Variants in KIF4A observed in about 807,000 individuals in gnomAD.
KIF4A encodes the protein kinesin family member 4A.
In KIF4A, 7 loss-of-function variants were observed where a neutral mutation model predicts 105.9. The ratio of observed to expected loss-of-function variants is 0.07; its 90% confidence interval spans 0.04 to 0.12. The LOEUF (loss-of-function observed/expected upper bound fraction) is 0.12. Among genes scored for constraint, KIF4A ranks in the 10% least tolerant of loss-of-function variants. KIF4A has a pLI of 1.00. For missense variants in KIF4A, 558 were observed against 929.2 expected (o/e 0.60, Z 5.19); for synonymous variants, 281 against 331.3 (o/e 0.85, Z 1.65).
At chrX:70,304,307 C>T (rs988006300) in intron 7 of KIF4A, among the ~76,000 whole-genome samples, 1 of 102,641 alleles carries the variant, frequency 9.7e-6, no homozygotes, top group Non-Finnish European at 2.0e-5. Flanking sequence ...CCATGGTGTA[C>T]ATGTGCCACA....
chrX:70,402,812 C>A, intron 23 of KIF4A, 117 bp downstream of exon 23: 1 of 886,209 alleles, frequency 1.1e-6, no homozygotes, highest in Non-Finnish European at 1.6e-6. Flanking sequence ...ACCCTAATAA[C>A]ACTAACATTA....
At position 70,373,516 on chromosome X, in the gene KIF4A, GTGTGTATGTA is replaced by G. The variant is rs1281138456; in HGVS notation, c.1675-633_1675-624del. Among the ~76,000 whole-genome samples the G allele has an allele frequency of 7.5e-4, 8 of 10,698 alleles. 2 individuals are homozygous for G. Among genetic ancestry groups the G allele is most frequent in the Non-Finnish European group, 1.6e-3 (6 of 3,729 alleles). 9.3% of individuals were successfully genotyped at this position (10,698 alleles called of 115,157 possible). A position where few individuals can be genotyped will look rare whatever the true frequency, so the allele number is the denominator to read the frequency against. ...CTGGGCAACATATATATATACATGTGTGTGTATGTATATATATATATATATATATATATAT... is the reference window on the plus strand; with the variant it reads ...CTGGGCAACATATATATATACATGTGTATATATATATATATATATATATAT... On this transcript the variant is annotated intron_variant, in intron 15 of 30. Transcript: ENST00000374403.
At chrX:70,350,575 G>T (rs1373921073) in intron 13 of KIF4A, among the ~76,000 whole-genome samples, 1 of 110,043 alleles carries the variant, frequency 9.1e-6, no homozygotes, top group Non-Finnish European at 1.9e-5. Flanking sequence ...GTCCCAGCTA[G>T]TCAGGAGGCT....
At chrX:70,308,538 A>AT in intron 7 of KIF4A, among the ~76,000 whole-genome samples, 1 of 112,524 alleles carries the variant, frequency 8.9e-6, no homozygotes, top group African/African-American at 3.2e-5. Flanking sequence ...GTTTTTAAAG[A>AT]TAAATGTCAT....
chrX:70,413,009 G>A (rs1003961059), intron 28 of KIF4A, among the ~76,000 whole-genome samples: 7 of 111,759 alleles, frequency 6.3e-5, no homozygotes, highest in Non-Finnish European at 5.6e-5. Context: ...TTGAAAATAC[G>A]TATCAGTAGC....
At chrX:70,322,590 C>T (rs2085895263) in intron 7 of KIF4A, among the ~76,000 whole-genome samples, 2 of 109,705 alleles carry the variant, frequency 1.8e-5, no homozygotes, top group South Asian at 8.2e-4. Flanking sequence ...GGATTACAGG[C>T]GTGAGCCACC....
Position 70,343,741 on chromosome X carries a change from A to C in KIF4A, c.1305A>C (p.Glu435Asp), listed in dbSNP as rs1364063524. 1 of 1,211,782 alleles carries C rather than the reference A, an allele frequency of 8.3e-7. No individual in the cohort carries two copies. The highest frequency in any genetic ancestry group is 1.8e-5 in the South Asian group (1 of 56,971). The part of the protein sequence containing the change: ...QANEKMNAKL[E>D]ELRQHAACKL... ...ATGAAAAAATGAACGCCAAGCTAGA[A>C]GAGCTCAGGCAGCATGCGGCGTAAG... The change falls in exon 12 of 31, where the codon GAA (glutamate) becomes GAC (aspartate). Residue 435 changes from glutamate (E) to aspartate (D), a missense_variant. Physicochemically the swap from Glu to Asp is conservative, Grantham distance 45. Around this residue, in one of 2 missense-constraint regions of KIF4A, gnomAD observed 469 missense variants for 680.4 expected, o/e 0.69. Coordinates refer to ENST00000374403, the MANE Select transcript of KIF4A (RefSeq NM_012310.5).
chrX:70,319,236 C>T (rs890632417), intron 7 of KIF4A, among the ~76,000 whole-genome samples: 60 of 111,665 alleles, frequency 5.4e-4, no homozygotes, highest in African/African-American at 1.9e-3. Flanking sequence ...GCATTCCAGC[C>T]TGGGCAACAG....
At chrX:70,294,192 A>G (rs1049060272) in intron 3 of KIF4A, among the ~76,000 whole-genome samples, 1 of 111,763 alleles carries the variant, frequency 8.9e-6, no homozygotes, top group Admixed American at 9.5e-5. Context: ...AGGCCCACCC[A>G]GGGCCAGGAT....
chrX:70,366,908 G>A lies in KIF4A; in HGVS notation c.1675-7243G>A, dbSNP rs185971486. Among the ~76,000 whole-genome samples the A allele has an allele frequency of 9.9e-5, 11 of 111,639 alleles. No individual in the cohort carries two copies. The East Asian group carries it at 3.1e-3, about 31-fold the overall frequency. ...CTAAGTCTCTTTGTAGGTCTCTAAG[G>A]ACTTACTTTATGAATCTGGGTGCTC... On this transcript the variant is annotated intron_variant, in intron 15 of 30. Coordinates refer to ENST00000374403, the MANE Select transcript of KIF4A (RefSeq NM_012310.5).
chrX:70,322,455 G>C (rs1197162722), intron 7 of KIF4A, among the ~76,000 whole-genome samples: 1 of 109,122 alleles, frequency 9.2e-6, no homozygotes, highest in African/African-American at 3.3e-5. Context: ...GGGACTACAG[G>C]CGCCCACCAC....
intron 18 of KIF4A, among the ~76,000 whole-genome samples, chrX:70,378,382 A>T (rs774170089): frequency 1.3e-3 from 146 of 111,502 alleles, no homozygotes; most frequent in African/African-American, 4.6e-3. Context: ...CACTGAAAAA[A>T]AGAGAGCAAA....
chrX:70,355,750 C>T (rs763924406), intron 15 of KIF4A, among the ~76,000 whole-genome samples: 4 of 111,029 alleles, frequency 3.6e-5, no homozygotes, highest in African/African-American at 9.8e-5. Context: ...CAGAGTTCAG[C>T]GGCAGAGCTG....
chrX:70,380,320 G>T (rs1311551812), intron 18 of KIF4A, among the ~76,000 whole-genome samples: 1 of 111,688 alleles, frequency 9.0e-6, no homozygotes, highest in East Asian at 2.8e-4. Context: ...AAAAAAAAAG[G>T]ATGATACACT....
In KIF4A at chrX:70,387,266, G is replaced by T. The variant is rs769333706; in HGVS notation, c.2201G>T (p.Arg734Leu). 8.4e-7 allele frequency: 1 copy of T among 1,185,635 alleles called. No individual in the cohort carries two copies. The highest frequency in any genetic ancestry group is 1.9e-5 in the South Asian group (1 of 53,380). ...VADKRKETQSRGMEGTAARVK... is the reference protein window; with the variant it reads ...VADKRKETQSLGMEGTAARVK... Reference sequence around the variant, plus strand: ...GATAAGCGGAAAGAGACTCAGAGCCGTGGAATGGAAGGCACTGCAGCTCGA... The same window carrying T: ...GATAAGCGGAAAGAGACTCAGAGCCTTGGAATGGAAGGCACTGCAGCTCGA... The change falls in exon 20 of 31, where the codon CGT becomes CTT. Residue 734 changes from arginine to leucine, a missense_variant. Coordinates refer to ENST00000374403, the MANE Select transcript of KIF4A (RefSeq NM_012310.5).
At chrX:70,338,494 C>G (rs183366446) in intron 10 of KIF4A, among the ~76,000 whole-genome samples, 187 of 112,065 alleles carry the variant, frequency 1.7e-3, no homozygotes, top group African/African-American at 5.7e-3. Flanking sequence ...CCCTTTCTTG[C>G]GTAATAGTAC....
At chrX:70,358,989 G>A (rs1454774855) in intron 15 of KIF4A, among the ~76,000 whole-genome samples, 1 of 111,470 alleles carries the variant, frequency 9.0e-6, no homozygotes, top group East Asian at 2.8e-4. Flanking sequence ...TGTTAGGTTC[G>A]GCCTCTCCAG....
At chrX:70,384,826 C>CTT (rs371784485) in intron 18 of KIF4A, among the ~76,000 whole-genome samples, 4 of 98,633 alleles carry the variant, frequency 4.1e-5, no homozygotes, top group Admixed American at 2.2e-4. Context: ...AAGAGAATCT[C>CTT]TTTTTTTTTT....
At chrX:70,332,860 A>G (rs2085936170) in intron 9 of KIF4A, among the ~76,000 whole-genome samples, 1 of 111,557 alleles carries the variant, frequency 9.0e-6, no homozygotes, top group Admixed American at 9.5e-5. Context: ...ATCCATCTCC[A>G]TGAAGCCTCC....
Sources: gnomAD v4.1 joint callset for allele counts (sites outside exome capture counted in the v4.1 genomes callset) on GRCh38, gnomAD v4.1.1 for gene constraint, gnomAD v4.1.1 regional missense constraint, MANE v1.5 for transcripts, NCBI Gene and HGNC (gene_info 2026-07-23, HGNC 2026-07-21) for gene names.